The following CORO6 variants were observed in gnomAD, a reference collection of about 807,000 sequenced individuals.
The protein encoded by CORO6 is coronin-6.
In CORO6, 43 loss-of-function variants were observed where a neutral mutation model predicts 49.0. The ratio of observed to expected loss-of-function variants is 0.88; its 90% CI spans 0.69 to 1.13. The LOEUF is 1.13. CORO6 is among the 50% of genes most tolerant of loss of function. CORO6 has a pLI of 0.00. For synonymous variants in CORO6, 233 were observed against 256.5 expected (o/e 0.91, Z 0.88); for missense variants, 650 against 647.0 (o/e 1.00, Z -0.05).
Position 29,622,711 on chromosome 17 carries a change from C to T in CORO6, c.-87G>A. The T allele has an allele frequency of 7.8e-7, 1 of 1,286,194 alleles. No homozygotes were observed. The highest frequency in any genetic ancestry group is 1.0e-6 in the Non-Finnish European group (1 of 982,740). 79.7% of individuals were successfully genotyped at this position (1,286,194 alleles called of 1,614,324 possible). A position where few individuals can be genotyped will look rare whatever the true frequency, so the allele number is the denominator to read the frequency against. Reference sequence around the variant, plus strand: ...ACCTGGTCCTGAGCGGGCTGCGGGGCGCTCACGCTGCGAATCCTCTGCGGA... The same window carrying T: ...ACCTGGTCCTGAGCGGGCTGCGGGGTGCTCACGCTGCGAATCCTCTGCGGA... On this transcript the variant is annotated 5_prime_UTR_variant, in exon 1 of 11. Transcript: ENST00000388767.
chr17:29,620,772 G>C (rs966591153), intron 2 of CORO6, among the ~76,000 whole-genome samples: 14 of 152,172 alleles, frequency 9.2e-5, no homozygotes, highest in Non-Finnish European at 1.9e-4. Flanking sequence ...GGTAACCAGG[G>C]ACTCTTTGGA....
In CORO6 at chr17:29,616,593, G is replaced by A; in HGVS notation, c.1004+109C>T. ...TGAAACAGAGCTGTCTTATCCCCCC[G>A]CCCCGCTTTTCCAAAGCACTGCATT... On this transcript the variant is annotated intron_variant, in intron 8 of 10. Coordinates refer to ENST00000388767, the MANE Select transcript of CORO6 (RefSeq NM_032854.4). The surrounding 1 kb of genome is among the most constrained non-coding windows in gnomAD (Gnocchi z 5.6). 2.1e-6 allele frequency: 3 copies of A among 1,430,492 alleles called. No homozygotes were observed. Among genetic ancestry groups the A allele is most frequent in the Non-Finnish European group, 1.9e-6 (2 of 1,042,460 alleles). The allele number at this position is 1,430,492 out of a possible 1,614,324, so 88.6% of individuals were successfully genotyped here.
rs1395229789 is a variant in CORO6 at position 29,615,719 on chromosome 17, C to T, written c.*13G>A. 6.7e-7 allele frequency: 1 copy of T among 1,492,302 alleles called. No individual in the cohort carries two copies. Among genetic ancestry groups the T allele is most frequent in the East Asian group, 2.5e-5 (1 of 39,776 alleles). The allele number at this position is 1,492,302 out of a possible 1,614,324, so 92.4% of individuals were successfully genotyped here. A position where few individuals can be genotyped will look rare whatever the true frequency, so the allele number is the denominator to read the frequency against. ...GTGCGCCCCGCCCCGCTCCGCCTGC[C>T]TGGCGCGCGGGGCTAGTCCGTGCCG... On this transcript the variant is annotated 3_prime_UTR_variant, in exon 11 of 11. Coordinates refer to ENST00000388767, the MANE Select transcript of CORO6 (RefSeq NM_032854.4).
At position 29,619,167 on chromosome 17, in the gene CORO6, G is replaced by GTATA. The variant is rs2035174580; in HGVS notation, c.340_343dup (p.Thr115IlefsTer15). 2.5e-6 allele frequency: 4 copies of GTATA among 1,613,708 alleles called. No individual in the cohort carries two copies. Among genetic ancestry groups the GTATA allele is most frequent in the Non-Finnish European group, 2.5e-6 (3 of 1,179,954 alleles). ...AGGTTCCGTAATGTTGCGCATGGGG[G>GTATA]TATAGTCTGGAATCTGCCACACCTG... On this transcript the variant is annotated frameshift_variant, in exon 4 of 11. Transcript: ENST00000388767. LOFTEE classifies it high-confidence loss of function.
rs746402340 is a variant in CORO6 at position 29,615,945 on chromosome 17, C to G, written c.1293G>C (p.Ser431=). 5.4e-5 allele frequency: 85 copies of G among 1,578,360 alleles called. No individual in the cohort carries two copies. The Admixed American group carries it at 1.5e-3, about 28-fold the overall frequency. ...CAGAGTGCAGCAGGGCCGATCTTACCGACAAGGGGGCGTCGCTGGCCGACT... is the reference window on the plus strand; with the variant it reads ...CAGAGTGCAGCAGGGCCGATCTTACGGACAAGGGGGCGTCGCTGGCCGACT... ...RSQSASDAPL[S]QQHTLETLLE... is the part of the protein sequence containing the mutation. Residue 431 remains serine, a splice_region_variant and synonymous_variant, in exon 10 of 11, where the codon TCG becomes TCC. Transcript: ENST00000388767.
Position 29,622,715 on chromosome 17 carries a change from C to T in CORO6, c.-91G>A. On this transcript the variant is annotated 5_prime_UTR_variant, in exon 1 of 11. Coordinates refer to ENST00000388767, the MANE Select transcript of CORO6 (RefSeq NM_032854.4). ...GGTCCTGAGCGGGCTGCGGGGCGCT[C>T]ACGCTGCGAATCCTCTGCGGAAGGG... 7.7e-7 allele frequency: 1 copy of T among 1,292,312 alleles called. No individual in the cohort carries two copies. The highest frequency in any genetic ancestry group is 1.0e-6 in the Non-Finnish European group (1 of 985,984). The allele number at this position is 1,292,312 out of a possible 1,614,324, so 80.1% of individuals were successfully genotyped here.
chr17:29,621,487 G>T lies in CORO6; in HGVS notation c.-63-3C>A. On this transcript the variant is annotated splice_polypyrimidine_tract_variant and splice_region_variant and intron_variant, in intron 1 of 10. Coordinates refer to ENST00000388767, the MANE Select transcript of CORO6 (RefSeq NM_032854.4). This position sits in a 1 kb window ranked among gnomAD's most constrained non-coding sequence, Gnocchi z 4.2. ...CCTTTGGTCCTTAGTCCTGTGAGCTGCGGGAGGGAGGAGGAGTGGAGGGGT... is the reference window on the plus strand; with the variant it reads ...CCTTTGGTCCTTAGTCCTGTGAGCTTCGGGAGGGAGGAGGAGTGGAGGGGT... 1 of 1,545,422 alleles carries T rather than the reference G, an allele frequency of 6.5e-7. No individual in the cohort carries two copies. The highest frequency in any genetic ancestry group is 8.8e-7 in the Non-Finnish European group (1 of 1,141,722).
In CORO6 at chr17:29,615,825, C is replaced by T; in HGVS notation, c.1326G>A (p.Glu442=). ...QQHTLETLLE[E]IKALRERVQA... ...GCACCCGCTCGCGGAGGGCCTTGAT[C>T]TCTTCCAGCAGCGTCTCCAGGGTGT... Residue 442 remains glutamate (E), a synonymous_variant, in exon 11 of 11, where the codon GAG becomes GAA. Coordinates refer to ENST00000388767, the MANE Select transcript of CORO6 (RefSeq NM_032854.4). 6.3e-7 allele frequency: 1 copy of T among 1,584,470 alleles called. No individual in the cohort carries two copies.
At position 29,617,602 on chromosome 17, in the gene CORO6, G is replaced by T; in HGVS notation, c.651C>A (p.His217Gln). Residue 217 changes from histidine to glutamine, a missense_variant, in exon 6 of 11, where the codon CAC becomes CAA. Physicochemically the swap from His to Gln is conservative, Grantham distance 24. Coordinates refer to ENST00000388767, the MANE Select transcript of CORO6 (RefSeq NM_032854.4). The part of the protein sequence containing the change: ...GQVVAERFAA[H>Q]EGMRPMRAVF... ...CGGCCCGCATGGGCCTCATCCCCTC[G>T]TGGGCCGCAAACCTCTCCTGGGGGG... The T allele has an allele frequency of 6.2e-7, 1 of 1,600,406 alleles. No individual in the cohort carries two copies. Among genetic ancestry groups the T allele is most frequent in the Non-Finnish European group, 8.5e-7 (1 of 1,175,062 alleles).
At position 29,621,804 on chromosome 17, in the gene CORO6, T is replaced by G; in HGVS notation, c.-63-320A>C. 1 of 269,994 alleles carries G rather than the reference T, an allele frequency of 3.7e-6. No homozygotes were observed. Among genetic ancestry groups the G allele is most frequent in the Admixed American group, 4.6e-5 (1 of 21,648 alleles). 16.7% of individuals were successfully genotyped at this position (269,994 alleles called of 1,614,324 possible). A position where few individuals can be genotyped will look rare whatever the true frequency, so the allele number is the denominator to read the frequency against. On this transcript the variant is annotated intron_variant, in intron 1 of 10. Transcript: ENST00000388767. The surrounding 1 kb of genome is among the most constrained non-coding windows in gnomAD (Gnocchi z 4.2). ...CCCCCCGCCCCCACCACCGCCAGCC[T>G]TGATGAGCATCTCTTCACGGACGTG... is the stretch of plus-strand genomic sequence containing the variant.
Position 29,617,036 on chromosome 17 carries a change from A to G in CORO6, c.760T>C (p.Phe254Leu). The G allele has an allele frequency of 6.2e-7, 1 of 1,613,404 alleles. No homozygotes were observed. The highest frequency in any genetic ancestry group is 8.5e-7 in the Non-Finnish European group (1 of 1,179,960). Reference sequence around the variant, plus strand: ...TCCTGCAGTGCCACTGGCTCCTCGAAGTTGTTCTGCCCGAGCACAGGAGGC... The same window carrying G: ...TCCTGCAGTGCCACTGGCTCCTCGAGGTTGTTCTGCCCGAGCACAGGAGGC... The part of the protein sequence containing the change: ...RELGLWDPNN[F>L]EEPVALQEMD... The change falls in exon 7 of 11, where the codon TTC (phenylalanine) becomes CTC (leucine). Residue 254 changes from phenylalanine (F) to leucine (L), a missense_variant. By Grantham distance (22) the Phe-to-Leu change is conservative (BLOSUM62 0). Coordinates refer to ENST00000388767, the MANE Select transcript of CORO6 (RefSeq NM_032854.4).
At position 29,621,412 on chromosome 17, in the gene CORO6, G is replaced by A. The variant is rs200229530; in HGVS notation, c.10C>T (p.Arg4Cys). The A allele has an allele frequency of 7.1e-5, 114 of 1,609,766 alleles. 1 individual carries two copies. The highest frequency in any genetic ancestry group is 3.4e-5 in the Admixed American group (2 of 59,226). Reference protein sequence around the residue: MSRRVVRQSKFRHV... With the variant: MSRCVVRQSKFRHV... ...CGGAACTTGCTTTGCCGAACCACAC[G>A]TCTGCTCATAGCTGCAGGCAGAGAG... is the stretch of plus-strand genomic sequence containing the variant. The change falls in exon 2 of 11, where the codon CGT becomes TGT. Residue 4 changes from arginine to cysteine, a missense_variant. Arg to Cys is a radical substitution (Grantham distance 180, BLOSUM62 -3). Transcript: ENST00000388767. This position sits in a 1 kb window ranked among gnomAD's most constrained non-coding sequence, Gnocchi z 4.2.
Position 29,616,385 on chromosome 17 carries a change from C to A in CORO6, c.1005-49G>T, listed in dbSNP as rs372891094. 101 of 1,550,078 alleles carry A rather than the reference C, an allele frequency of 6.5e-5. No homozygotes were observed. The highest frequency in any genetic ancestry group is 2.7e-5 in the African/African-American group (2 of 73,978). ...CCCTCGCAGACTTCCACGTCCTTAA[C>A]TTCTCCTGTCTAAGACCAAGGGGGT... On this transcript the variant is annotated intron_variant, in intron 8 of 10. Transcript: ENST00000388767. The surrounding 1 kb of genome is among the most constrained non-coding windows in gnomAD (Gnocchi z 5.6).
chr17:29,622,739 G>T lies in CORO6; in HGVS notation c.-115C>A. ...TCACGCTGCGAATCCTCTGCGGAAG[G>T]GGCCCGAGTGCGTAGGGGGCCGAGG... On this transcript the variant is annotated 5_prime_UTR_variant, in exon 1 of 11. Transcript: ENST00000388767. 1 of 1,317,038 alleles carries T rather than the reference G, an allele frequency of 7.6e-7. No homozygotes were observed. Among genetic ancestry groups the T allele is most frequent in the East Asian group, 5.3e-5 (1 of 18,902 alleles). 81.6% of individuals were successfully genotyped at this position (1,317,038 alleles called of 1,614,324 possible). A position where few individuals can be genotyped will look rare whatever the true frequency, so the allele number is the denominator to read the frequency against.
Position 29,616,294 on chromosome 17 carries a change from C to A in CORO6, c.1047G>T (p.Met349Ile). 1 of 1,611,220 alleles carries A rather than the reference C, an allele frequency of 6.2e-7. No homozygotes were observed. Among genetic ancestry groups the A allele is most frequent in the South Asian group, 1.1e-5 (1 of 90,458 alleles). Residue 349 changes from methionine to isoleucine, a missense_variant, in exon 9 of 11, where the codon ATG (methionine) becomes ATT (isoleucine). Transcript: ENST00000388767. This position sits in a 1 kb window ranked among gnomAD's most constrained non-coding sequence, Gnocchi z 5.6. ...LHERKCEPIIMTVPRKSDLFQ... is the reference protein window; with the variant it reads ...LHERKCEPIIITVPRKSDLFQ... ...GGCCCCTCACCTTGCGGGGCACAGT[C>A]ATGATGATAGGTTCACACTTTCTTT...
At position 29,616,180 on chromosome 17, in the gene CORO6, G is replaced by A. The variant is rs543140429; in HGVS notation, c.1063-5C>T. 9.3e-6 allele frequency: 15 copies of A among 1,611,882 alleles called. No homozygotes were observed. Among genetic ancestry groups the A allele is most frequent in the African/African-American group, 4.0e-5 (3 of 75,016 alleles). On this transcript the variant is annotated splice_polypyrimidine_tract_variant and splice_region_variant and intron_variant, in intron 9 of 10. Coordinates refer to ENST00000388767, the MANE Select transcript of CORO6 (RefSeq NM_032854.4). This position sits in a 1 kb window ranked among gnomAD's most constrained non-coding sequence, Gnocchi z 5.6. ...ATCGTCCTGGAAGAGGTCTGACTGCGGGGGTGGGTGGACAGGAGGACTTGC... is the reference window on the plus strand; with the variant it reads ...ATCGTCCTGGAAGAGGTCTGACTGCAGGGGTGGGTGGACAGGAGGACTTGC...
rs1455299856 is a variant in CORO6, at chr17:29,618,573, G to A, written c.633+217C>T. On this transcript the variant is annotated intron_variant, in intron 5 of 10. Coordinates refer to ENST00000388767, the MANE Select transcript of CORO6 (RefSeq NM_032854.4). ...CTCTGAGCTTCTGAGATGCAAGGGA[G>A]GGGAGGGAACAGGAGCCGGGCAGAG... 159 of 1,391,552 alleles carry A rather than the reference G, an allele frequency of 1.1e-4. 1 individual carries two copies. Among genetic ancestry groups the A allele is most frequent in the Admixed American group, 3.1e-5 (1 of 32,272 alleles). The allele number at this position is 1,391,552 out of a possible 1,614,324, so 86.2% of individuals were successfully genotyped here.
rs1348511152 is a variant in CORO6 at position 29,616,107 on chromosome 17, T to G, written c.1131A>C (p.Glu377Asp). The G allele has an allele frequency of 1.2e-6, 2 of 1,613,262 alleles. No individual in the cohort carries two copies. The highest frequency in any genetic ancestry group is 1.7e-6 in the Non-Finnish European group (2 of 1,180,008). ...GTTCGGCGTCCTGGCCGGATAGCCA[T>G]TCGTCCGCTTCTAGGGCCGGCTCCG... ...PGPEPALEAD[E>D]WLSGQDAEPV... The change falls in exon 10 of 11, where the codon GAA (glutamate) becomes GAC (aspartate). Residue 377 changes from glutamate (E) to aspartate (D), a missense_variant. Physicochemically the swap from Glu to Asp is conservative, Grantham distance 45. Transcript: ENST00000388767. The surrounding 1 kb of genome is among the most constrained non-coding windows in gnomAD (Gnocchi z 5.6).
chr17:29,618,013 G>A (rs2035084388), intron 5 of CORO6: 1 of 1,447,506 alleles, frequency 6.9e-7, no homozygotes, highest in African/African-American at 1.5e-5. Flanking sequence ...CCCAGAGAAG[G>A]AGCGAGCTAG....
Sources: gnomAD v4.1 joint callset for allele counts (sites outside exome capture counted in the v4.1 genomes callset) on GRCh38, gnomAD v4.1.1 for gene constraint, Gnocchi (gnomAD v3.1) non-coding constraint, MANE v1.5 for transcripts, NCBI Gene and HGNC (gene_info 2026-07-23, HGNC 2026-07-21) for gene names.